Variants in WDFY4 observed in about 807,000 individuals in gnomAD.
WDFY4 encodes WDFY family member 4.
WDFY4 carries 169 observed loss-of-function variants against 351.9 expected under a neutral mutation model. The ratio of observed to expected loss-of-function variants is 0.48; its 90% CI spans 0.42 to 0.55. The LOEUF (loss-of-function observed/expected upper bound fraction) is 0.55. WDFY4 is among the 20% of genes least tolerant of loss of function. The probability of loss-of-function intolerance (pLI) is 0.00; values close to 1 mark genes in which losing one functional copy is unlikely to be tolerated. For synonymous variants in WDFY4, 1,622 were observed against 1,574.6 expected (o/e 1.03, Z -0.71); for missense variants, 3,803 against 3,935.6 (o/e 0.97, Z 0.90).
intron 55 of WDFY4, chr10:48,968,788 G>C (rs1359261661): frequency 2.2e-6 from 1 of 447,954 alleles, no homozygotes; most frequent in South Asian, 2.6e-5. Flanking sequence ...GGGGCTGGGG[G>C]TGGCTCCCAG....
At chr10:48,897,620 G>A in intron 45 of WDFY4, 46 bp downstream of exon 45, 1 of 1,532,078 alleles carries the variant, frequency 6.5e-7, no homozygotes, top group South Asian at 1.2e-5. Flanking sequence ...CGAGAGGCAG[G>A]GCCATGGGAC....
At chr10:48,957,816 T>C (rs1353457877) in intron 52 of WDFY4, among the ~76,000 whole-genome samples, 1 of 152,200 alleles carries the variant, frequency 6.6e-6, no homozygotes, top group East Asian at 1.9e-4. Flanking sequence ...GCAGGGCTTC[T>C]TGCTGCTATA....
rs551925259 is a variant in WDFY4 at position 48,693,868 on chromosome 10, C to A, written c.-18+8867C>A. Among the ~76,000 whole-genome samples, 41 of 152,178 alleles carry A rather than the reference C, an allele frequency of 2.7e-4. 1 individual carries two copies. Among genetic ancestry groups the A allele is most frequent in the Admixed American group, 2.2e-3 (33 of 15,280 alleles). On this transcript the variant is annotated intron_variant, in intron 1 of 61. Transcript: ENST00000325239. ...GTTTTCTGGGTCCAGGTTGGCCTGGCACAGGAGAGGACAGGGAACTCAAGA... is the reference window on the plus strand; with the variant it reads ...GTTTTCTGGGTCCAGGTTGGCCTGGAACAGGAGAGGACAGGGAACTCAAGA...
chr10:48,905,073 G>T (rs547347238), intron 47 of WDFY4, among the ~76,000 whole-genome samples: 5 of 152,312 alleles, frequency 3.3e-5, no homozygotes, highest in African/African-American at 1.2e-4. Context: ...CATTGTCTCT[G>T]CAGCTCACCC....
At chr10:48,783,256 TGCTTAACTAA>T (rs1221693145) in intron 19 of WDFY4, among the ~76,000 whole-genome samples, 1 of 152,206 alleles carries the variant, frequency 6.6e-6, no homozygotes, top group Non-Finnish European at 1.5e-5. Flanking sequence ...CCCTCCTGCA[TGCTTAACTAA>T]GCTCTAGATG....
chr10:48,807,102 A>G (rs1416758847), intron 27 of WDFY4, among the ~76,000 whole-genome samples: 1 of 152,180 alleles, frequency 6.6e-6, no homozygotes, highest in Admixed American at 6.5e-5. Flanking sequence ...CAAAATCTGA[A>G]TAGACGGAAA....
intron 49 of WDFY4, among the ~76,000 whole-genome samples, chr10:48,944,319 A>G (rs1318043080): frequency 1.3e-5 from 2 of 152,212 alleles, no homozygotes; most frequent in Non-Finnish European, 2.9e-5. Flanking sequence ...TGAGATGACA[A>G]GAACAGATCC....
intron 39 of WDFY4, among the ~76,000 whole-genome samples, chr10:48,854,772 C>T (rs537302764): frequency 1.1e-4 from 17 of 152,270 alleles, no homozygotes; most frequent in South Asian, 4.1e-4. Flanking sequence ...TACTTTGGGC[C>T]CACTTAACCC....
chr10:48,928,281 G>A (rs1452203666), intron 47 of WDFY4, among the ~76,000 whole-genome samples: 2 of 152,024 alleles, frequency 1.3e-5, no homozygotes, highest in Non-Finnish European at 2.9e-5. Context: ...CTCCTGTAAA[G>A]AGGATGTAAA....
chr10:48,910,340 T>A (rs1837887387), intron 47 of WDFY4: 4 of 1,212,676 alleles, frequency 3.3e-6, no homozygotes, highest in Non-Finnish European at 4.9e-6. Flanking sequence ...TCACACCAGC[T>A]CACCAAGGTC....
chr10:48,954,997 C>T (rs1004458319), intron 51 of WDFY4, among the ~76,000 whole-genome samples: 1 of 152,044 alleles, frequency 6.6e-6, no homozygotes, highest in Non-Finnish European at 1.5e-5. Flanking sequence ...ATACAGGTAA[C>T]CTTTTTATTA....
At chr10:48,807,212 T>C (rs987695993) in intron 27 of WDFY4, among the ~76,000 whole-genome samples, 2 of 152,202 alleles carry the variant, frequency 1.3e-5, no homozygotes, top group Admixed American at 1.3e-4. Flanking sequence ...ACTGAGGGAA[T>C]GAACAAATGG....
At chr10:48,936,163 C>CA (rs898946878) in intron 47 of WDFY4, among the ~76,000 whole-genome samples, 5 of 151,328 alleles carry the variant, frequency 3.3e-5, no homozygotes, top group African/African-American at 1.2e-4. Flanking sequence ...TTGGAAAGTA[C>CA]AAAAAAAGCA....
intron 1 of WDFY4, among the ~76,000 whole-genome samples, chr10:48,699,411 T>A (rs1044264799): frequency 3.3e-5 from 5 of 152,174 alleles, no homozygotes; most frequent in African/African-American, 1.2e-4. Context: ...CCAGAGCTCC[T>A]GCTGTCAGTT....
At chr10:48,962,822 G>C (rs1841920926) in intron 53 of WDFY4, among the ~76,000 whole-genome samples, 1 of 152,216 alleles carries the variant, frequency 6.6e-6, no homozygotes, top group Non-Finnish European at 1.5e-5. Context: ...CAGTGAGCCT[G>C]AGCATGGACA....
chr10:48,809,594 A>T, intron 28 of WDFY4, among the ~76,000 whole-genome samples: 1 of 151,740 alleles, frequency 6.6e-6, no homozygotes, highest in Non-Finnish European at 1.5e-5. Context: ...CACCATCAAC[A>T]TCATCACTGT....
At chr10:48,802,956 G>A (rs963018464) in intron 24 of WDFY4, among the ~76,000 whole-genome samples, 14 of 152,214 alleles carry the variant, frequency 9.2e-5, no homozygotes, top group Admixed American at 6.5e-5. Context: ...GATCCAGGGA[G>A]GTTGAGATGA....
rs1194565571 is a variant in WDFY4 at position 48,774,609 on chromosome 10, A to T, written c.2705A>T (p.His902Leu). ...RALVTSGSPL[H>L]SRLIRIFEKL... ...CTGGTCACCAGTGGCAGCCCCCTCC[A>T]CTCACGCCTCATCAGGATCTTTGAG... Residue 902 changes from histidine to leucine, a missense_variant, in exon 14 of 62, where the codon CAC becomes CTC. By Grantham distance (99) the His-to-Leu change is moderately conservative (BLOSUM62 -3). This residue lies in a region of WDFY4 where 3,054 missense variants were observed against 3,148.6 expected (regional missense o/e 0.97). Transcript: ENST00000325239. The T allele has an allele frequency of 1.5e-5, 24 of 1,551,168 alleles. No individual in the cohort carries two copies. The highest frequency in any genetic ancestry group is 2.0e-5 in the Admixed American group (1 of 50,962).
chr10:48,806,772 G>A (rs961506369), intron 27 of WDFY4, among the ~76,000 whole-genome samples: 1 of 152,174 alleles, frequency 6.6e-6, no homozygotes, highest in Non-Finnish European at 1.5e-5. Flanking sequence ...TGTCCAAGAC[G>A]AGAGCCCCTA....
Sources: gnomAD v4.1 joint callset for allele counts (sites outside exome capture counted in the v4.1 genomes callset) on GRCh38, gnomAD v4.1.1 for gene constraint, gnomAD v4.1.1 regional missense constraint, MANE v1.5 for transcripts, NCBI Gene and HGNC (gene_info 2026-07-23, HGNC 2026-07-21) for gene names.